The following ALPL variants were observed in gnomAD, a reference collection of about 807,000 sequenced individuals.
ALPL encodes the protein alkaline phosphatase, tissue-nonspecific isozyme.
ALPL carries 42 observed loss-of-function variants against 51.3 expected under a neutral mutation model. The ratio of observed to expected loss-of-function variants is 0.82; its 90% CI spans 0.64 to 1.06. The LOEUF (loss-of-function observed/expected upper bound fraction) is 1.06, where lower values mean the gene tolerates loss of function less well. Among genes scored for constraint, ALPL ranks in the 50% least tolerant of loss-of-function variants. ALPL has a pLI of 0.00. For synonymous variants in ALPL, 279 were observed against 296.4 expected, an observed-to-expected ratio of 0.94 and a Z score of 0.60; for missense variants, 589 against 709.4, an observed-to-expected ratio of 0.83 and a Z score of 1.93.
rs2148151523 is a variant in ALPL at position 21,560,845 on chromosome 1, G to T, written c.181+100G>T. 6.1e-6 allele frequency: 9 copies of T among 1,482,156 alleles called. No individual in the cohort carries two copies. The East Asian group carries it at 7.1e-5, about 12-fold the overall frequency. 91.8% of individuals were successfully genotyped at this position (1,482,156 alleles called of 1,614,324 possible). A position where few individuals can be genotyped will look rare whatever the true frequency, so the allele number is the denominator to read the frequency against. On this transcript the variant is annotated intron_variant, in intron 3 of 11. Coordinates refer to ENST00000374840, the MANE Select transcript of ALPL (RefSeq NM_000478.6). ...AGGGGGCTGTGTTGAAGGGGCTAGG[G>T]CTCTGGAGGAAGGGTGTTTAAAAGG...
intron 1 of ALPL, among the ~76,000 whole-genome samples, chr1:21,550,411 ATAG>A (rs1644305669): frequency 6.6e-6 from 1 of 152,136 alleles, no homozygotes; most frequent in Non-Finnish European, 1.5e-5. Context: ...AAAGGAGATG[ATAG>A]GTCCTTTTCT....
At chr1:21,554,364 T>C (rs1644370865) in intron 2 of ALPL, among the ~76,000 whole-genome samples, 1 of 149,526 alleles carries the variant, frequency 6.7e-6, no homozygotes, top group African/African-American at 2.5e-5. Flanking sequence ...ATATGAAATA[T>C]ATATATACAA....
chr1:21,540,707 T>G (rs917111575), intron 1 of ALPL, among the ~76,000 whole-genome samples: 1 of 152,144 alleles, frequency 6.6e-6, no homozygotes, highest in Non-Finnish European at 1.5e-5. Flanking sequence ...CTCCTTGCCT[T>G]TAAACACTCA....
Position 21,540,281 on chromosome 1 carries a change from T to A in ALPL, c.-104-13697T>A, listed in dbSNP as rs528364228. 5.9e-5 allele frequency among the ~76,000 whole-genome samples: 9 copies of A among 152,094 alleles called. No homozygotes were observed. In the East Asian group the frequency reaches 1.7e-3, roughly 30 times the overall value. Reference sequence around the variant, plus strand: ...GGCATGGTGTCTCTGGGCCCTGCTATCTCCCTCCCCTGCGATCTCCCTACT... The same window carrying A: ...GGCATGGTGTCTCTGGGCCCTGCTAACTCCCTCCCCTGCGATCTCCCTACT... On this transcript the variant is annotated intron_variant, in intron 1 of 11. Transcript: ENST00000374840.
At position 21,566,428 on chromosome 1, in the gene ALPL, C is replaced by T. The variant is rs534154568; in HGVS notation, c.649-1676C>T. Reference sequence around the variant, plus strand: ...CCTCCTGAGTAGCTGGGATTATAGGCGCACATCACCACGCCCGGCTAATTT... The same window carrying T: ...CCTCCTGAGTAGCTGGGATTATAGGTGCACATCACCACGCCCGGCTAATTT... On this transcript the variant is annotated intron_variant, in intron 6 of 11. Transcript: ENST00000374840. 2.2e-4 allele frequency among the ~76,000 whole-genome samples: 34 copies of T among 152,116 alleles called. 1 individual carries two copies. The highest frequency in any genetic ancestry group is 1.6e-3 in the Admixed American group (24 of 15,274).
rs143885304 is a variant in ALPL at position 21,561,136 on chromosome 1, A to G, written c.221A>G (p.Lys74Arg). ...VSTVTAARILKGQLHHNPGEE... is the reference protein window; with the variant it reads ...VSTVTAARILRGQLHHNPGEE... ...ACAGTGACGGCTGCCCGCATCCTCA[A>G]GGGTCAGCTCCACCACAACCCTGGG... The change falls in exon 4 of 12, where the codon AAG becomes AGG. Residue 74 changes from lysine (K) to arginine (R), a missense_variant. Physicochemically the swap from Lys to Arg is conservative, Grantham distance 26. Transcript: ENST00000374840. 6.8e-6 allele frequency: 11 copies of G among 1,613,344 alleles called. No homozygotes were observed. The highest frequency in any genetic ancestry group is 2.7e-5 in the African/African-American group (2 of 74,884).
At chr1:21,554,445 T>C (rs1644372194) in intron 2 of ALPL, among the ~76,000 whole-genome samples, 1 of 147,964 alleles carries the variant, frequency 6.8e-6, no homozygotes, top group Non-Finnish European at 1.5e-5. Flanking sequence ...ATTTCATATA[T>C]ATATTTTTCC....
intron 5 of ALPL, 140 bp downstream of exon 5, chr1:21,563,424 A>G (rs1010824652): frequency 8.9e-7 from 1 of 1,127,058 alleles, no homozygotes; most frequent in African/African-American, 1.6e-5. Flanking sequence ...AGTCTGTAAT[A>G]TCCATGGGAT....
chr1:21,574,137 C>T, intron 9 of ALPL: 1 of 985,486 alleles, frequency 1.0e-6, no homozygotes, highest in Admixed American at 6.1e-5. Flanking sequence ...AGCAAATCCG[C>T]AGGCCCCGGC....
chr1:21,535,425 A>C (rs1644092184), intron 1 of ALPL, among the ~76,000 whole-genome samples: 1 of 152,186 alleles, frequency 6.6e-6, no homozygotes, highest in South Asian at 2.1e-4. Flanking sequence ...GAGTCTGGGC[A>C]ACATAGCGAG....
At chr1:21,523,586 C>T (rs1643905648) in intron 1 of ALPL, among the ~76,000 whole-genome samples, 1 of 152,194 alleles carries the variant, frequency 6.6e-6, no homozygotes, top group African/African-American at 2.4e-5. Context: ...ATGTCACACC[C>T]TGAGGCTGGG....
At position 21,577,672 on chromosome 1, in the gene ALPL, A is replaced by G; in HGVS notation, c.*24A>G. Reference sequence around the variant, plus strand: ...GAGGGCCCAGGGCCCGGGCACCCACAAGCCCGTGACAGATGCCAACTTCCC... The same window carrying G: ...GAGGGCCCAGGGCCCGGGCACCCACGAGCCCGTGACAGATGCCAACTTCCC... On this transcript the variant is annotated 3_prime_UTR_variant, in exon 12 of 12. Coordinates refer to ENST00000374840, the MANE Select transcript of ALPL (RefSeq NM_000478.6). 1.3e-6 allele frequency: 2 copies of G among 1,589,696 alleles called. No individual in the cohort carries two copies. The highest frequency in any genetic ancestry group is 8.5e-7 in the Non-Finnish European group (1 of 1,175,476).
chr1:21,536,499 A>T (rs966504276), intron 1 of ALPL, among the ~76,000 whole-genome samples: 1 of 152,230 alleles, frequency 6.6e-6, no homozygotes, highest in Non-Finnish European at 1.5e-5. Flanking sequence ...GGCTTCAGGC[A>T]TGGCTGCATC....
rs77362499 is a variant in ALPL at position 21,509,711 on chromosome 1, C to G, written c.-105+194C>G. Among the ~76,000 whole-genome samples the G allele has an allele frequency of 0.15, 22,834 of 152,170 alleles. 2,001 individuals carry two copies. The highest frequency in any genetic ancestry group is 0.3 in the East Asian group (1,547 of 5,112). On this transcript the variant is annotated intron_variant, in intron 1 of 11. Transcript: ENST00000374840. This position sits in a 1 kb window ranked among gnomAD's most constrained non-coding sequence, Gnocchi z 6.0. The stretch of plus-strand genomic sequence containing the variant: ...CCTGCCCCTGTCCTCCCGCGCATCC[C>G]AAGCTCCCGGCGCGCGCTCTGGGCG...
intron 1 of ALPL, among the ~76,000 whole-genome samples, chr1:21,553,321 C>T (rs1005762422): frequency 6.6e-6 from 1 of 152,016 alleles, no homozygotes; most frequent in Non-Finnish European, 1.5e-5. Context: ...CCAGAAATGG[C>T]CACACTTACC....
At chr1:21,523,051 C>CGAGGTGGGTGGATCACCT (rs1558528183) in intron 1 of ALPL, among the ~76,000 whole-genome samples, 2 of 152,092 alleles carry the variant, frequency 1.3e-5, no homozygotes, top group African/African-American at 4.8e-5. Flanking sequence ...TTTGGGAGGC[C>CGAGGTGGGTGGATCACCT]GAGGTGGGTG....
intron 10 of ALPL, among the ~76,000 whole-genome samples, chr1:21,576,287 G>GTGGATGGA (rs1361258901): frequency 1.8e-5 from 1 of 55,412 alleles, no homozygotes; most frequent in Non-Finnish European, 4.1e-5. Context: ...GGATGGATGG[G>GTGGATGGA]TGGATGGATG....
At chr1:21,551,904 T>C (rs1644329806) in intron 1 of ALPL, among the ~76,000 whole-genome samples, 1 of 151,322 alleles carries the variant, frequency 6.6e-6, no homozygotes, top group Non-Finnish European at 1.5e-5. Flanking sequence ...TTTTTGTATT[T>C]TTAGTAGAGA....
rs757127456 is a variant in ALPL, at chr1:21,560,655, G to A, written c.91G>A (p.Asp31Asn). ...EKEKDPKYWR[D>N]QAQETLKYAL... ...AGAGAAAGACCCCAAGTACTGGCGAGACCAAGCGCAAGAGACACTGAAATA... is the reference window on the plus strand; with the variant it reads ...AGAGAAAGACCCCAAGTACTGGCGAAACCAAGCGCAAGAGACACTGAAATA... Residue 31 changes from aspartate (D) to asparagine (N), a missense_variant, in exon 3 of 12, where the codon GAC (aspartate) becomes AAC (asparagine). By Grantham distance (23) the Asp-to-Asn change is conservative. Transcript: ENST00000374840. 6.2e-7 allele frequency: 1 copy of A among 1,614,138 alleles called. No homozygotes were observed. Among genetic ancestry groups the A allele is most frequent in the East Asian group, 2.2e-5 (1 of 44,876 alleles).
Sources: allele counts gnomAD v4.1 joint callset (sites outside exome capture counted in the v4.1 genomes callset), GRCh38; gene constraint gnomAD v4.1.1; non-coding constraint Gnocchi (gnomAD v3.1); transcripts MANE v1.5; gene names NCBI Gene and HGNC (gene_info 2026-07-23, HGNC 2026-07-21).